FAM98B: variants seen among roughly 807,000 people sequenced by gnomAD.
FAM98B encodes tRNA splicing ligase complex subunit 3B.
A neutral mutation model predicts 43.9 loss-of-function variants in FAM98B; 32 were observed. That is an observed-to-expected ratio of 0.73 (90% CI 0.55 to 0.98). FAM98B has a LOEUF of 0.98. Ranked by LOEUF, FAM98B falls within the 50% of genes least tolerant of loss-of-function variation. FAM98B has a pLI of 0.00. For missense variants in FAM98B, 514 were observed against 522.9 expected (o/e 0.98, Z 0.17); for synonymous variants, 190 against 174.0 (o/e 1.09, Z -0.72).
In FAM98B at chr15:38,461,790, G is replaced by A. The variant is rs184483854; in HGVS notation, c.72-2242G>A. 2.7e-3 allele frequency among the ~76,000 whole-genome samples: 409 copies of A among 152,188 alleles called. 1 individual carries two copies. The highest frequency in any genetic ancestry group is 6.1e-3 in the Admixed American group (94 of 15,296). ...TAAAACTATACTGAGTTACCAGATGGTCAAAAATCCAAAAGTTTGACAACT... is the reference window on the plus strand; with the variant it reads ...TAAAACTATACTGAGTTACCAGATGATCAAAAATCCAAAAGTTTGACAACT... On this transcript the variant is annotated intron_variant, in intron 1 of 7. Transcript: ENST00000397609.
chr15:38,481,436 A>G lies in FAM98B; in HGVS notation c.874A>G (p.Lys292Glu), dbSNP rs1451802828. 6.2e-7 allele frequency: 1 copy of G among 1,614,058 alleles called. No individual in the cohort carries two copies. Among genetic ancestry groups the G allele is most frequent in the Admixed American group, 1.7e-5 (1 of 60,006 alleles). ...GACAAGTAGTGGCACCAGCCGGGAG[A>G]AGACCGCATGTGCCATTAATAAGGT... ...IRTSSGTSRE[K>E]TACAINKVLM... The change falls in exon 7 of 8, where the codon AAG becomes GAG. Residue 292 changes from lysine (K) to glutamate (E), a missense_variant. This residue lies in a region of FAM98B where 469 missense variants were observed against 451.8 expected (regional missense o/e 1.04). Coordinates refer to ENST00000397609, the MANE Select transcript of FAM98B (RefSeq NM_173611.4).
intron 1 of FAM98B, chr15:38,459,022 C>T (rs529586208): frequency 1.2e-5 from 4 of 336,836 alleles, no homozygotes; most frequent in African/African-American, 2.1e-5. Context: ...GAACACCCCA[C>T]ACCGGCCAGC....
In FAM98B at chr15:38,464,168, A is replaced by C; in HGVS notation, c.208A>C (p.Thr70Pro). The C allele has an allele frequency of 1.2e-6, 2 of 1,612,412 alleles. No individual in the cohort carries two copies. Among genetic ancestry groups the C allele is most frequent in the Non-Finnish European group, 1.7e-6 (2 of 1,179,210 alleles). The stretch of plus-strand genomic sequence containing the variant: ...ATTATGCAACTTGGAAGAAAGTATC[A>C]CGTCTGCTGGTATTGCCATTATGTT... ...KSLCNLEESI[T>P]SAGRDDLESF... is the part of the protein sequence containing the mutation. Residue 70 changes from threonine (T) to proline (P), a missense_variant, in exon 2 of 8, where the codon ACG (threonine) becomes CCG (proline). Thr to Pro is a conservative substitution (Grantham distance 38, BLOSUM62 -1). Transcript: ENST00000397609.
intron 6 of FAM98B, among the ~76,000 whole-genome samples, chr15:38,474,959 A>T (rs529619381): frequency 6.6e-6 from 1 of 152,310 alleles, no homozygotes; most frequent in East Asian, 1.9e-4. Flanking sequence ...TCTGACCATC[A>T]TTGGTTCACA....
rs148824684 is a variant in FAM98B at position 38,479,156 on chromosome 15, C to T, written c.730-2136C>T. Among the ~76,000 whole-genome samples, 409 of 152,112 alleles carry T rather than the reference C, an allele frequency of 2.7e-3. 1 individual carries two copies. Among genetic ancestry groups the T allele is most frequent in the East Asian group, 0.018 (95 of 5,176 alleles). On this transcript the variant is annotated intron_variant, in intron 6 of 7. Coordinates refer to ENST00000397609, the MANE Select transcript of FAM98B (RefSeq NM_173611.4). ...AATTTTGTTTTATTTTTTATAGAGA[C>T]AGGGTTTTGCCATGTTGCCCAGGCT... is the stretch of plus-strand genomic sequence containing the variant.
At chr15:38,457,996 CAAAAG>C (rs1263942873) in intron 1 of FAM98B, among the ~76,000 whole-genome samples, 5 of 146,408 alleles carry the variant, frequency 3.4e-5, no homozygotes, top group African/African-American at 1.3e-4. Flanking sequence ...TTTTCAGAGT[CAAAAG>C]AACAGAAATC....
At chr15:38,479,036 T>C (rs1339616738) in intron 6 of FAM98B, among the ~76,000 whole-genome samples, 1 of 152,082 alleles carries the variant, frequency 6.6e-6, no homozygotes, top group African/African-American at 2.4e-5. Context: ...CATAGCTCAC[T>C]GCAACTCACT....
At chr15:38,460,924 AC>A (rs1277504618) in intron 1 of FAM98B, among the ~76,000 whole-genome samples, 1 of 152,180 alleles carries the variant, frequency 6.6e-6, no homozygotes, top group Non-Finnish European at 1.5e-5. Flanking sequence ...TTTAGCACTG[AC>A]CCAACATACA....
At chr15:38,473,454 G>T (rs1890154048) in intron 4 of FAM98B, 51 bp from the exon 5 acceptor site, 2 of 1,327,432 alleles carry the variant, frequency 1.5e-6, no homozygotes, top group Admixed American at 3.8e-5. Context: ...GCATAAGATT[G>T]TTTTAAATTA....
intron 3 of FAM98B, among the ~76,000 whole-genome samples, chr15:38,465,849 A>G (rs183920641): frequency 6.6e-6 from 1 of 151,626 alleles, no homozygotes; most frequent in Non-Finnish European, 1.5e-5. Context: ...GTTTTTTTTT[A>G]AAAAATATAA....
intron 4 of FAM98B, among the ~76,000 whole-genome samples, chr15:38,472,969 C>T (rs1890148384): frequency 6.6e-6 from 1 of 152,018 alleles, no homozygotes; most frequent in Admixed American, 6.6e-5. Flanking sequence ...AAAAATGTTT[C>T]AAGTAATTTA....
At chr15:38,481,613 G>C in intron 7 of FAM98B, 154 bp downstream of exon 7, 16 of 1,573,918 alleles carry the variant, frequency 1.0e-5, no homozygotes, top group Non-Finnish European at 1.4e-5. Context: ...TGTTATTTTT[G>C]TGTATGTGTG....
At chr15:38,463,969 T>G in intron 1 of FAM98B, 63 bp from the exon 2 acceptor site, 2 of 1,449,612 alleles carry the variant, frequency 1.4e-6, no homozygotes, top group Non-Finnish European at 1.9e-6. Context: ...TGACACAGAG[T>G]GTTGGAGGTT....
chr15:38,481,024 A>G (rs1323857043), intron 6 of FAM98B, among the ~76,000 whole-genome samples: 1 of 151,952 alleles, frequency 6.6e-6, no homozygotes, highest in East Asian at 1.9e-4. Flanking sequence ...ACTATTTTTT[A>G]GGTATTTTTT....
chr15:38,456,091 T>G (rs1201524312), intron 1 of FAM98B, among the ~76,000 whole-genome samples: 1 of 152,236 alleles, frequency 6.6e-6, no homozygotes, highest in Non-Finnish European at 1.5e-5. Context: ...CTTCAGTTTG[T>G]CATGTAAAAT....
Position 38,485,284 on chromosome 15 carries a change from T to C in FAM98B, c.*625T>C, listed in dbSNP as rs183913703. On this transcript the variant is annotated 3_prime_UTR_variant, in exon 8 of 8. Transcript: ENST00000397609. The stretch of plus-strand genomic sequence containing the variant: ...TTACTGTACATACTTATTTTCTAAT[T>C]GGATTTGAAATCAGCATGATTTTGT... 58 of 152,382 alleles carry C rather than the reference T, an allele frequency of 3.8e-4. No individual in the cohort carries two copies. The highest frequency in any genetic ancestry group is 1.3e-3 in the African/African-American group (55 of 41,598). The allele number at this position is 152,382 out of a possible 1,614,324, so 9.4% of individuals were successfully genotyped here.
At position 38,484,626 on chromosome 15, in the gene FAM98B, TGGTGGTGGA is replaced by T. The variant is rs1454376360; in HGVS notation, c.1272_1280del (p.Gly427_Gly429del). 11 of 1,072,038 alleles carry T rather than the reference TGGTGGTGGA, an allele frequency of 1.0e-5. No homozygotes were observed. Among genetic ancestry groups the T allele is most frequent in the South Asian group, 7.5e-5 (5 of 66,714 alleles). The allele number at this position is 1,072,038 out of a possible 1,614,324, so 66.4% of individuals were successfully genotyped here. ...GAGGAGGTGGTGGTGGTGGTGGTGGTGGTGGTGGAGGAGGTGGATATAGAAGATACTAAA... is the reference window on the plus strand; with the variant it reads ...GAGGAGGTGGTGGTGGTGGTGGTGGTGGAGGTGGATATAGAAGATACTAAA... On this transcript the variant is annotated inframe_deletion, in exon 8 of 8. Coordinates refer to ENST00000397609, the MANE Select transcript of FAM98B (RefSeq NM_173611.4).
intron 1 of FAM98B, chr15:38,458,904 A>T: frequency 2.3e-6 from 1 of 440,382 alleles, no homozygotes; most frequent in Non-Finnish European, 4.5e-6. Context: ...TAAGAAGCAG[A>T]CAAGTTGTCC....
At chr15:38,473,108 G>C (rs1370261377) in intron 4 of FAM98B, among the ~76,000 whole-genome samples, 1 of 152,134 alleles carries the variant, frequency 6.6e-6, no homozygotes, top group Non-Finnish European at 1.5e-5. Flanking sequence ...TGTGTACATA[G>C]CATTTATTTG....
Sources: allele counts gnomAD v4.1 joint callset (sites outside exome capture counted in the v4.1 genomes callset), GRCh38; gene constraint gnomAD v4.1.1; regional missense constraint gnomAD v4.1.1; transcripts MANE v1.5; gene names NCBI Gene and HGNC (gene_info 2026-07-23, HGNC 2026-07-21).